The following EFCAB7 variants were observed in gnomAD, a reference collection of about 807,000 sequenced individuals.
EFCAB7 encodes EF-hand calcium-binding domain-containing protein 7.
EFCAB7 carries 66 observed loss-of-function variants against 77.1 expected under a neutral mutation model. The observed-to-expected ratio is 0.86, with a 90% confidence interval of 0.70 to 1.05. The LOEUF (loss-of-function observed/expected upper bound fraction) is 1.05. Ranked by LOEUF, EFCAB7 falls within the 50% of genes least tolerant of loss-of-function variation. The pLI is 0.00. For missense variants in EFCAB7, 638 were observed against 730.5 expected, an observed-to-expected ratio of 0.87 and a Z score of 1.46; for synonymous variants, 225 against 243.3, an observed-to-expected ratio of 0.92 and a Z score of 0.70.
chr1:63,557,810 T>C (rs1647049403), intron 10 of EFCAB7, among the ~76,000 whole-genome samples: 2 of 152,180 alleles, frequency 1.3e-5, no homozygotes, highest in South Asian at 4.1e-4. Context: ...TGGGAAGACA[T>C]ACTTGCATAT....
intron 8 of EFCAB7, among the ~76,000 whole-genome samples, chr1:63,554,620 G>A (rs898753136): frequency 4.6e-5 from 7 of 152,178 alleles, no homozygotes; most frequent in African/African-American, 9.7e-5. Flanking sequence ...GATTACAGGC[G>A]TGAACCGCCA....
At chr1:63,553,560 G>C (rs1057070336) in intron 8 of EFCAB7, among the ~76,000 whole-genome samples, 4 of 152,102 alleles carry the variant, frequency 2.6e-5, no homozygotes, top group Non-Finnish European at 4.4e-5. Context: ...GGATGGTCTC[G>C]ATCTCTTGAC....
In EFCAB7 at chr1:63,572,653, A is replaced by G; in HGVS notation, c.*137A>G. ...TTATATGCATTTTCATTTTATGTCC[A>G]TGGTATGTACTTTATTATTAAAATA... On this transcript the variant is annotated 3_prime_UTR_variant, in exon 14 of 14. Coordinates refer to ENST00000371088, the MANE Select transcript of EFCAB7 (RefSeq NM_032437.4). 1 of 1,095,834 alleles carries G rather than the reference A, an allele frequency of 9.1e-7. No individual in the cohort carries two copies. Among genetic ancestry groups the G allele is most frequent in the Middle Eastern group, 3.5e-4 (1 of 2,898 alleles). The allele number at this position is 1,095,834 out of a possible 1,614,324, so 67.9% of individuals were successfully genotyped here.
At chr1:63,549,659 T>A in intron 7 of EFCAB7, 1 of 348,594 alleles carries the variant, frequency 2.9e-6, no homozygotes, top group Non-Finnish European at 5.6e-6. Flanking sequence ...TAAGAGACTA[T>A]CATCAATACA....
intron 1 of EFCAB7, among the ~76,000 whole-genome samples, chr1:63,524,517 T>C (rs1464123009): frequency 6.6e-6 from 1 of 152,228 alleles, no homozygotes; most frequent in Non-Finnish European, 1.5e-5. Flanking sequence ...TTAGGCCTCC[T>C]GAGTAGGAAT....
intron 12 of EFCAB7, 45 bp downstream of exon 12, chr1:63,568,564 C>T (rs1457698025): frequency 6.9e-7 from 1 of 1,457,034 alleles, no homozygotes; most frequent in South Asian, 1.2e-5. Flanking sequence ...ACAAAGCTTA[C>T]TAATATATTT....
At chr1:63,580,925 A>G in the EFCAB7 span, among the ~76,000 whole-genome samples, 3 of 150,578 alleles carry the variant, frequency 2.0e-5, no homozygotes, top group Admixed American at 6.6e-5. Context: ...CCCTTGTTAA[A>G]CTCATTTATT....
chr1:63,562,703 C>G (rs576977916), intron 11 of EFCAB7, among the ~76,000 whole-genome samples: 1 of 147,870 alleles, frequency 6.8e-6, no homozygotes, highest in South Asian at 2.1e-4. Flanking sequence ...AGATGGGGGT[C>G]TCACTGTTTT....
intron 2 of EFCAB7, chr1:63,529,248 G>C (rs905899547): frequency 1.3e-5 from 2 of 152,150 alleles, no homozygotes; most frequent in African/African-American, 4.8e-5. Flanking sequence ...AGCCTTTATA[G>C]GTATATGGAA....
chr1:63,559,301 CAAAAA>C (rs71052490), intron 10 of EFCAB7, among the ~76,000 whole-genome samples: 8 of 62,234 alleles, frequency 1.3e-4, no homozygotes, highest in South Asian at 7.1e-4. Context: ...GACTCTGTCT[CAAAAA>C]AAAAAAAAAA....
chr1:63,558,868 T>G (rs1484181101), intron 10 of EFCAB7, among the ~76,000 whole-genome samples: 1 of 151,920 alleles, frequency 6.6e-6, no homozygotes, highest in Admixed American at 6.6e-5. Context: ...TAAACTTTAT[T>G]TTTAGAGCAA....
chr1:63,532,218 A>C (rs1050954779), intron 3 of EFCAB7, among the ~76,000 whole-genome samples, 187 bp downstream of exon 3: 4 of 152,096 alleles, frequency 2.6e-5, no homozygotes, highest in African/African-American at 9.6e-5. Flanking sequence ...TAAAAGATAA[A>C]GTATAAAATC....
In EFCAB7 at chr1:63,570,924, GA is replaced by G. The variant is rs951620339; in HGVS notation, c.1708-96del. 4.0e-6 allele frequency: 3 copies of G among 750,330 alleles called. No individual in the cohort carries two copies. In the African/African-American group the frequency reaches 5.4e-5, roughly 14 times the overall value. 46.5% of individuals were successfully genotyped at this position (750,330 alleles called of 1,614,324 possible). ...TGTATGAATTTGTAGTGCACTATAT[GA>G]TGTTAAAACAGAATTTCAGGGTTTA... On this transcript the variant is annotated intron_variant, in intron 12 of 13. Transcript: ENST00000371088.
At position 63,525,589 on chromosome 1, in the gene EFCAB7, GA is replaced by G. The variant is rs1646574322; in HGVS notation, c.19del (p.Ser7AlafsTer23). The G allele has an allele frequency of 1.9e-6, 3 of 1,566,582 alleles. No individual in the cohort carries two copies. Among genetic ancestry groups the G allele is most frequent in the Non-Finnish European group, 2.6e-6 (3 of 1,166,826 alleles). MAISP[R>X]SDATFSSQKS... is the part of the protein sequence containing the mutation. ...TCCAATAGAATGGCGATCAGTCCACGAAGCGATGCAACTTTCTCCAGTCAGA... is the reference window on the plus strand; with the variant it reads ...TCCAATAGAATGGCGATCAGTCCACGAGCGATGCAACTTTCTCCAGTCAGA... On this transcript the variant is annotated frameshift_variant, in exon 2 of 14. Transcript: ENST00000371088. LOFTEE classifies it high-confidence loss of function.
At position 63,534,118 on chromosome 1, in the gene EFCAB7, T is replaced by C; in HGVS notation, c.706T>C (p.Ser236Pro). ...NKGDTRSSLL[S>P]ATRKFKTSVS... ...AGGTGACACCAGGAGTTCTTTACTG[T>C]CAGCAACCAGGAAGTTCAAAACATC... Residue 236 changes from serine (S) to proline (P), a missense_variant, in exon 6 of 14, where the codon TCA becomes CCA. Ser to Pro is a moderately conservative substitution (Grantham distance 74, BLOSUM62 -1). Coordinates refer to ENST00000371088, the MANE Select transcript of EFCAB7 (RefSeq NM_032437.4). 1.2e-6 allele frequency: 2 copies of C among 1,613,406 alleles called. No individual in the cohort carries two copies. Among genetic ancestry groups the C allele is most frequent in the Non-Finnish European group, 8.5e-7 (1 of 1,179,510 alleles).
downstream of EFCAB7, among the ~76,000 whole-genome samples, chr1:63,574,715 G>A (rs1647361850): frequency 1.3e-5 from 2 of 152,128 alleles, no homozygotes; most frequent in Admixed American, 1.3e-4. Flanking sequence ...TGTTAAAGAG[G>A]CATTAATGAT....
At chr1:63,542,438 T>G (rs1646839663) in intron 6 of EFCAB7, among the ~76,000 whole-genome samples, 1 of 152,226 alleles carries the variant, frequency 6.6e-6, no homozygotes, top group African/African-American at 2.4e-5. Context: ...TGTTTGAGTC[T>G]CTGCTTTTAA....
At chr1:63,526,477 C>G (rs961487440) in intron 2 of EFCAB7, among the ~76,000 whole-genome samples, 3 of 152,088 alleles carry the variant, frequency 2.0e-5, no homozygotes, top group African/African-American at 7.2e-5. Flanking sequence ...TTTTCTTAAA[C>G]CAAAACCCTG....
At chr1:63,531,767 A>C in intron 2 of EFCAB7, 53 bp from the exon 3 acceptor site, 2 of 1,499,950 alleles carry the variant, frequency 1.3e-6, no homozygotes, top group South Asian at 1.2e-5. Flanking sequence ...AAATGCGCTT[A>C]AGTACAAATT....
Sources: gnomAD v4.1 joint callset for allele counts (sites outside exome capture counted in the v4.1 genomes callset) on GRCh38, gnomAD v4.1.1 for gene constraint, MANE v1.5 for transcripts, NCBI Gene and HGNC (gene_info 2026-07-23, HGNC 2026-07-21) for gene names.